MAP3K9: variants seen among roughly 807,000 people sequenced by gnomAD.
The protein encoded by MAP3K9 is mitogen-activated protein kinase kinase kinase 9, also known as mixed lineage kinase 1 (tyr and ser/thr specificity).
A neutral mutation model predicts 95.8 loss-of-function variants in MAP3K9; 46 were observed. The observed-to-expected ratio is 0.48, with a 90% CI of 0.38 to 0.61. The LOEUF is 0.61. Among genes scored for constraint, MAP3K9 ranks in the 20% least tolerant of loss-of-function variants. The pLI is 0.00. For synonymous variants in MAP3K9, 533 were observed against 593.8 expected (o/e 0.90, Z 1.49); for missense variants, 1,296 against 1,474.3 (o/e 0.88, Z 1.98).
intron 2 of MAP3K9, among the ~76,000 whole-genome samples, chr14:70,773,552 T>G (rs927057082): frequency 2.0e-5 from 3 of 152,202 alleles, no homozygotes; most frequent in Admixed American, 1.3e-4. Flanking sequence ...TTACTACATT[T>G]TCCAGCCTCC....
At chr14:70,739,862 G>C (rs2054043212) in intron 7 of MAP3K9, 180 bp downstream of exon 7, 2 of 1,540,062 alleles carry the variant, frequency 1.3e-6, no homozygotes, top group South Asian at 1.2e-5. Flanking sequence ...AAAGTTAATG[G>C]AGAGAGACAA....
At chr14:70,770,509 T>C (rs2054516823) in intron 2 of MAP3K9, among the ~76,000 whole-genome samples, 1 of 152,112 alleles carries the variant, frequency 6.6e-6, no homozygotes, top group African/African-American at 2.4e-5. Flanking sequence ...TAAATTCACA[T>C]GGACCTACCT....
intron 2 of MAP3K9, among the ~76,000 whole-genome samples, chr14:70,782,073 C>A (rs545938452): frequency 6.6e-6 from 1 of 152,152 alleles, no homozygotes; most frequent in Non-Finnish European, 1.5e-5. Flanking sequence ...TTCTTTGAGG[C>A]CTAATTGTTC....
chr14:70,783,708 G>T (rs750761151), intron 2 of MAP3K9, among the ~76,000 whole-genome samples: 9 of 152,168 alleles, frequency 5.9e-5, no homozygotes, highest in Non-Finnish European at 1.0e-4. Flanking sequence ...CATGCTCAGC[G>T]CTCCTCCAGG....
chr14:70,799,561 G>A (rs962398650), intron 2 of MAP3K9, among the ~76,000 whole-genome samples: 2 of 151,708 alleles, frequency 1.3e-5, no homozygotes, highest in South Asian at 2.1e-4. Flanking sequence ...GGATGGTCTC[G>A]ATCTCCTGAC....
At chr14:70,760,574 T>C (rs1403577429) in intron 3 of MAP3K9, among the ~76,000 whole-genome samples, 1 of 152,156 alleles carries the variant, frequency 6.6e-6, no homozygotes, top group African/African-American at 2.4e-5. Context: ...GCTCAGGAGC[T>C]TTAGAGTGAG....
At chr14:70,803,614 A>G (rs528667980) in intron 1 of MAP3K9, among the ~76,000 whole-genome samples, 132 of 152,240 alleles carry the variant, frequency 8.7e-4, no homozygotes, top group African/African-American at 1.8e-3. Flanking sequence ...AGGTTAGCCC[A>G]TCTGTATTTT....
At chr14:70,768,427 C>G (rs1182008394) in intron 2 of MAP3K9, among the ~76,000 whole-genome samples, 1 of 152,104 alleles carries the variant, frequency 6.6e-6, no homozygotes, top group African/African-American at 2.4e-5. Context: ...GGTACAGTGG[C>G]AGACCCGCAT....
intron 5 of MAP3K9, among the ~76,000 whole-genome samples, chr14:70,744,148 C>A (rs570015215): frequency 1.3e-5 from 2 of 152,128 alleles, no homozygotes; most frequent in African/African-American, 4.8e-5. Flanking sequence ...GGGAGTTGAA[C>A]AATGAGAACG....
intron 1 of MAP3K9, among the ~76,000 whole-genome samples, chr14:70,808,287 G>A (rs1182318466): frequency 5.3e-5 from 8 of 152,196 alleles, no homozygotes; most frequent in Non-Finnish European, 1.2e-4. Context: ...CAGCCCTGCG[G>A]AGACACCCCC....
chr14:70,753,709 A>C (rs2054261005), intron 3 of MAP3K9, among the ~76,000 whole-genome samples: 1 of 152,104 alleles, frequency 6.6e-6, no homozygotes, highest in Admixed American at 6.6e-5. Context: ...GCTGCCAGTA[A>C]TTTCCTAAAA....
intron 2 of MAP3K9, among the ~76,000 whole-genome samples, chr14:70,769,489 T>A (rs1322787446): frequency 6.6e-6 from 1 of 152,202 alleles, no homozygotes; most frequent in Non-Finnish European, 1.5e-5. Flanking sequence ...TGTAGCCTCC[T>A]AGGGCTGCCA....
intron 2 of MAP3K9, chr14:70,765,451 C>T: frequency 1.4e-6 from 1 of 692,878 alleles, no homozygotes; most frequent in Non-Finnish European, 2.6e-6. Flanking sequence ...CCCAGGGCAA[C>T]TTCCAGTCCT....
intron 2 of MAP3K9, among the ~76,000 whole-genome samples, chr14:70,792,258 T>C (rs1293229452): frequency 5.3e-5 from 8 of 152,228 alleles, no homozygotes; most frequent in Admixed American, 5.2e-4. Flanking sequence ...TGAGCGCTTG[T>C]ACACTTTTGC....
At chr14:70,808,021 T>C (rs2055009776) in intron 1 of MAP3K9, among the ~76,000 whole-genome samples, 1 of 152,188 alleles carries the variant, frequency 6.6e-6, no homozygotes, top group Non-Finnish European at 1.5e-5. Context: ...AGCCTCACTG[T>C]CAAAGGACTG....
chr14:70,772,545 T>G (rs1324785334), intron 2 of MAP3K9, among the ~76,000 whole-genome samples: 6 of 152,142 alleles, frequency 3.9e-5, no homozygotes, highest in Admixed American at 3.9e-4. Context: ...TCCCAAAAGG[T>G]GTCTGCTTAA....
chr14:70,791,388 G>A (rs1285983928), intron 2 of MAP3K9, among the ~76,000 whole-genome samples: 1 of 152,204 alleles, frequency 6.6e-6, no homozygotes, highest in Non-Finnish European at 1.5e-5. Flanking sequence ...CTGCCCCACT[G>A]AGTAAGCTGC....
chr14:70,728,680 A>G lies in MAP3K9; in HGVS notation c.*1700T>C, dbSNP rs957075452. ...GTGGGCCCCTTGAACCAAAGTGCTA[A>G]TGGGCTCATAAAGCAAGGAACAAGG... is the stretch of plus-strand genomic sequence containing the variant. On this transcript the variant is annotated 3_prime_UTR_variant, in exon 12 of 12. Coordinates refer to ENST00000554752, the MANE Select transcript of MAP3K9 (RefSeq NM_001284230.2). 2.6e-5 allele frequency: 4 copies of G among 152,224 alleles called. No individual in the cohort carries two copies. Among genetic ancestry groups the G allele is most frequent in the Admixed American group, 6.5e-5 (1 of 15,282 alleles). 9.4% of individuals were successfully genotyped at this position (152,224 alleles called of 1,614,324 possible).
intron 2 of MAP3K9, among the ~76,000 whole-genome samples, chr14:70,762,347 T>C (rs1594786740): frequency 6.6e-6 from 1 of 152,306 alleles, no homozygotes; most frequent in African/African-American, 2.4e-5. Context: ...CCATTTTACA[T>C]TTCCACAAGC....
Sources: allele counts gnomAD v4.1 joint callset (sites outside exome capture counted in the v4.1 genomes callset), GRCh38; gene constraint gnomAD v4.1.1; transcripts MANE v1.5; gene names NCBI Gene and HGNC (gene_info 2026-07-23, HGNC 2026-07-21).